MTUS2: variants seen among roughly 807,000 people sequenced by gnomAD.
The protein encoded by MTUS2 is microtubule associated scaffold protein 2.
A neutral mutation model predicts 114.1 loss-of-function variants in MTUS2; 40 were observed. The ratio of observed to expected loss-of-function variants is 0.35; its 90% CI spans 0.27 to 0.46. The LOEUF (loss-of-function observed/expected upper bound fraction) is 0.46, where lower values mean the gene tolerates loss of function less well. MTUS2 is among the 20% of genes least tolerant of loss of function. MTUS2 has a pLI of 1.00. For synonymous variants in MTUS2, 688 were observed against 672.0 expected (o/e 1.02, Z -0.37); for missense variants, 1,679 against 1,705.4 (o/e 0.98, Z 0.27).
At chr13:29,129,453 GC>G (rs915596181) in intron 5 of MTUS2, among the ~76,000 whole-genome samples, 13 of 152,090 alleles carry the variant, frequency 8.5e-5, no homozygotes, top group Non-Finnish European at 4.4e-5. Flanking sequence ...TGTTTCCCAA[GC>G]AAATCTACCT....
rs1423011065 is a variant in MTUS2 at position 29,179,622 on chromosome 13, T to C, written c.2644+78652T>C. Among the ~76,000 whole-genome samples, 4 of 149,150 alleles carry C rather than the reference T, an allele frequency of 2.7e-5. No individual in the cohort carries two copies. In the East Asian group the frequency reaches 8.3e-4, roughly 31 times the overall value. ...TTTTCTAGGGAAAAAGCACAGGAAG[T>C]CAATATATTTCTTAAACAAATTAAA... is the stretch of plus-strand genomic sequence containing the variant. On this transcript the variant is annotated intron_variant, in intron 5 of 15. Coordinates refer to ENST00000612955, the MANE Select transcript of MTUS2 (RefSeq NM_001033602.4).
chr13:29,373,544 C>T (rs1248824092), intron 8 of MTUS2, among the ~76,000 whole-genome samples: 1 of 152,198 alleles, frequency 6.6e-6, no homozygotes, highest in African/African-American at 2.4e-5. Flanking sequence ...TGAATCTCAT[C>T]CTAACAGCAT....
chr13:28,925,459 A>G (rs1310553619), intron 2 of MTUS2, among the ~76,000 whole-genome samples: 1 of 152,244 alleles, frequency 6.6e-6, no homozygotes, highest in African/African-American at 2.4e-5. Flanking sequence ...ATGAAGAAAT[A>G]CTAATCATTA....
At chr13:29,204,224 T>G (rs1265953424) in intron 5 of MTUS2, among the ~76,000 whole-genome samples, 1 of 152,180 alleles carries the variant, frequency 6.6e-6, no homozygotes, top group African/African-American at 2.4e-5. Flanking sequence ...TCCCAAAGTG[T>G]TAGGATTACA....
chr13:28,828,011 G>A (rs960385651), intron 1 of MTUS2, among the ~76,000 whole-genome samples: 3 of 152,154 alleles, frequency 2.0e-5, no homozygotes, highest in African/African-American at 4.8e-5. Context: ...TATTAGGCGG[G>A]AATTTCCTCG....
intron 2 of MTUS2, among the ~76,000 whole-genome samples, chr13:29,005,875 T>C (rs1448785703): frequency 6.6e-6 from 1 of 152,234 alleles, no homozygotes; most frequent in Non-Finnish European, 1.5e-5. Flanking sequence ...ATGGATGTAA[T>C]GTTGAAAAGG....
chr13:29,213,103 A>C (rs1895519141), intron 5 of MTUS2, among the ~76,000 whole-genome samples: 1 of 152,246 alleles, frequency 6.6e-6, no homozygotes, highest in Admixed American at 6.5e-5. Flanking sequence ...ATGTTAGAAC[A>C]AAAGATTCTT....
chr13:29,228,993 A>G (rs1896219358), intron 5 of MTUS2, among the ~76,000 whole-genome samples: 1 of 152,122 alleles, frequency 6.6e-6, no homozygotes. Flanking sequence ...AAGCCACTGC[A>G]CTGCCTCCGG....
chr13:29,470,516 T>C (rs1880207540), intron 9 of MTUS2, among the ~76,000 whole-genome samples: 1 of 152,204 alleles, frequency 6.6e-6, no homozygotes, highest in Non-Finnish European at 1.5e-5. Flanking sequence ...CATCACTGAA[T>C]CTCACCACCT....
At chr13:29,063,017 G>C (rs1888493693) in intron 4 of MTUS2, among the ~76,000 whole-genome samples, 1 of 152,142 alleles carries the variant, frequency 6.6e-6, no homozygotes, top group East Asian at 1.9e-4. Flanking sequence ...TGAAACACAA[G>C]ATCTTGTTTG....
rs150279713 is a variant in MTUS2 at position 29,321,102 on chromosome 13, G to C, written c.2807-3511G>C. Among the ~76,000 whole-genome samples, 773 of 152,288 alleles carry C rather than the reference G, an allele frequency of 5.1e-3. 5 individuals carry two copies. Among genetic ancestry groups the C allele is most frequent in the African/African-American group, 0.018 (735 of 41,538 alleles). The stretch of plus-strand genomic sequence containing the variant: ...AGCTGAAAACAGGTCTGGATCCCAG[G>C]AGAGGTATCTGGGCCTACCTGGATT... On this transcript the variant is annotated intron_variant, in intron 6 of 15. Transcript: ENST00000612955.
At chr13:29,292,031 C>G (rs1367951720) in intron 6 of MTUS2, among the ~76,000 whole-genome samples, 1 of 152,132 alleles carries the variant, frequency 6.6e-6, no homozygotes, top group Non-Finnish European at 1.5e-5. Flanking sequence ...TTTCACATTA[C>G]CTTGTTCTGT....
intron 2 of MTUS2, among the ~76,000 whole-genome samples, chr13:28,885,268 A>G (rs770859719): frequency 1.8e-4 from 28 of 152,204 alleles, no homozygotes; most frequent in African/African-American, 6.3e-4. Flanking sequence ...ACTAGATTTA[A>G]AAACGTTCTT....
chr13:29,494,210 T>C (rs2138990849), intron 12 of MTUS2, among the ~76,000 whole-genome samples: 1 of 152,242 alleles, frequency 6.6e-6, no homozygotes, highest in East Asian at 1.9e-4. Context: ...CTGGGTTGGC[T>C]TAGATCACTG....
intron 10 of MTUS2, 30 bp from the exon 11 acceptor site, chr13:29,487,870 G>T (rs781175804): frequency 2.6e-6 from 4 of 1,551,006 alleles, no homozygotes; most frequent in Non-Finnish European, 3.6e-6. Context: ...GCAGCTCTCT[G>T]TCTAACCAGT....
At chr13:29,250,221 A>G (rs150826950) in intron 5 of MTUS2, among the ~76,000 whole-genome samples, 3 of 152,186 alleles carry the variant, frequency 2.0e-5, no homozygotes, top group African/African-American at 7.2e-5. Flanking sequence ...AAATATTTTG[A>G]TTATGTTGTG....
intron 4 of MTUS2, among the ~76,000 whole-genome samples, chr13:29,098,569 A>T (rs545848972): frequency 6.6e-6 from 1 of 152,142 alleles, no homozygotes; most frequent in Admixed American, 6.5e-5. Context: ...AACAATTTAG[A>T]GACTGGCTTC....
At chr13:28,920,548 C>G (rs149936663) in intron 2 of MTUS2, among the ~76,000 whole-genome samples, 1 of 152,092 alleles carries the variant, frequency 6.6e-6, no homozygotes, top group South Asian at 2.1e-4. Flanking sequence ...CCACTATAAC[C>G]ACTACCTGGC....
intron 5 of MTUS2, among the ~76,000 whole-genome samples, chr13:29,130,867 G>A (rs996896347): frequency 9.2e-5 from 14 of 152,050 alleles, no homozygotes; most frequent in Non-Finnish European, 1.6e-4. Context: ...CGCGTGATCC[G>A]CCTGCCTCAG....
Sources: allele counts gnomAD v4.1 joint callset (sites outside exome capture counted in the v4.1 genomes callset), GRCh38; gene constraint gnomAD v4.1.1; transcripts MANE v1.5; gene names NCBI Gene and HGNC (gene_info 2026-07-23, HGNC 2026-07-21).